The following PCDHGA1 variants were observed in gnomAD, a reference collection of about 807,000 sequenced individuals.
PCDHGA1 encodes protocadherin gamma subfamily A, 1.
PCDHGA1 carries 32 observed loss-of-function variants against 58.0 expected under a neutral mutation model. The ratio of observed to expected loss-of-function variants is 0.55; its 90% CI spans 0.42 to 0.74. The LOEUF (loss-of-function observed/expected upper bound fraction) is 0.74, where lower values mean the gene tolerates loss of function less well. Among genes scored for constraint, PCDHGA1 ranks in the 30% least tolerant of loss-of-function variants. The pLI, the probability that PCDHGA1 is intolerant of heterozygous loss-of-function variation, is 0.00. For synonymous variants in PCDHGA1, 498 were observed against 501.1 expected (o/e 0.99, Z 0.08); for missense variants, 1,205 against 1,182.3 (o/e 1.02, Z -0.28).
At chr5:141,415,597 A>G (rs1206125540) in intron 1 of PCDHGA1, 2 of 1,613,800 alleles carry the variant, frequency 1.2e-6, no homozygotes, top group South Asian at 1.1e-5. Flanking sequence ...TATAGAGGAT[A>G]CCCCATTGGT....
At chr5:141,375,305 G>A in intron 1 of PCDHGA1, 1 of 1,613,812 alleles carries the variant, frequency 6.2e-7, no homozygotes, top group African/African-American at 1.3e-5. Context: ...AGTGACAAAT[G>A]CAGCTCTAGA....
At chr5:141,422,470 T>G in intron 1 of PCDHGA1, 1 of 1,613,440 alleles carries the variant, frequency 6.2e-7, no homozygotes, top group South Asian at 1.1e-5. Flanking sequence ...GGACAGGGAG[T>G]TGGTCCAGAG....
At position 141,331,057 on chromosome 5, in the gene PCDHGA1, G is replaced by A; in HGVS notation, c.373G>A (p.Asp125Asn). 6.2e-7 allele frequency: 1 copy of A among 1,609,678 alleles called. No homozygotes were observed. The highest frequency in any genetic ancestry group is 8.5e-7 in the Non-Finnish European group (1 of 1,177,468). The change falls in exon 1 of 4, where the codon GAT becomes AAT. Residue 125 changes from aspartate (D) to asparagine (N), a missense_variant. Coordinates refer to ENST00000517417, the MANE Select transcript of PCDHGA1 (RefSeq NM_018912.3). ...KLFPVEVEII[D>N]INDNTPQFQL... ...TTTTCCTGTTGAAGTAGAAATAATT[G>A]ATATTAATGACAACACTCCCCAATT...
In PCDHGA1 at chr5:141,492,000, A is replaced by G; in HGVS notation, c.2422-2807A>G. On this transcript the variant is annotated intron_variant, in intron 1 of 3. Transcript: ENST00000517417. The surrounding 1 kb of genome is among the most constrained non-coding windows in gnomAD (Gnocchi z 6.9). Reference sequence around the variant, plus strand: ...TCGAGCTTCCGGTGAATTTCGGGCGATTTCCGCGGGTGTCGGGGGTCCCGG... The same window carrying G: ...TCGAGCTTCCGGTGAATTTCGGGCGGTTTCCGCGGGTGTCGGGGGTCCCGG... 1 of 659,856 alleles carries G rather than the reference A, an allele frequency of 1.5e-6. No homozygotes were observed. The highest frequency in any genetic ancestry group is 3.1e-5 in the South Asian group (1 of 32,438). 40.9% of individuals were successfully genotyped at this position (659,856 alleles called of 1,614,324 possible).
At chr5:141,376,108 G>A (rs368739165) in intron 1 of PCDHGA1, 172 of 1,613,770 alleles carry the variant, frequency 1.1e-4, no homozygotes, top group Middle Eastern at 1.0e-3. Context: ...TGGCCGACCT[G>A]GGCAGCCTCG....
At chr5:141,352,308 A>G (rs770269507) in intron 1 of PCDHGA1, 2 of 1,613,988 alleles carry the variant, frequency 1.2e-6, no homozygotes, top group Non-Finnish European at 1.7e-6. Context: ...CCCCAGACGG[A>G]ACTGCAGTTT....
In PCDHGA1 at chr5:141,379,873, T is replaced by C. The variant is rs533347585; in HGVS notation, c.2421+46768T>C. ...AAATTATTGTCTTATTCTTATTTTA[T>C]GGTCTGTGAAAGCCTCTTTTTTTTT... On this transcript the variant is annotated intron_variant, in intron 1 of 3. Transcript: ENST00000517417. Among the ~76,000 whole-genome samples, 18 of 148,596 alleles carry C rather than the reference T, an allele frequency of 1.2e-4. No individual in the cohort carries two copies. The South Asian group carries it at 2.8e-3, about 23-fold the overall frequency.
chr5:141,361,416 G>A (rs1464562844), intron 1 of PCDHGA1: 2 of 1,613,876 alleles, frequency 1.2e-6, no homozygotes, highest in Admixed American at 1.7e-5. Context: ...CCACCGACGG[G>A]GGCAAGCCGC....
chr5:141,393,126 A>T, intron 1 of PCDHGA1: 1 of 1,613,436 alleles, frequency 6.2e-7, no homozygotes, highest in Non-Finnish European at 8.5e-7. Context: ...GTGTCTGATA[A>T]ATATTAACAC....
At chr5:141,453,331 C>G (rs1224258701) in intron 1 of PCDHGA1, among the ~76,000 whole-genome samples, 1 of 151,962 alleles carries the variant, frequency 6.6e-6, no homozygotes, top group East Asian at 1.9e-4. Flanking sequence ...TGGGGTCTCA[C>G]TATGTTTCCC....
Position 141,330,776 on chromosome 5 carries a change from T to C in PCDHGA1, c.92T>C (p.Ile31Thr). ...CTGTTGGAAGCTGGGGCTGGGAATA[T>C]TCACTACTCAGTGCCGGAAGAGACA... ...ELLLEAGAGNIHYSVPEETDK... is the reference protein window; with the variant it reads ...ELLLEAGAGNTHYSVPEETDK... Residue 31 changes from isoleucine (I) to threonine (T), a missense_variant, in exon 1 of 4, where the codon ATT (isoleucine) becomes ACT (threonine). Physicochemically the swap from Ile to Thr is moderately conservative, Grantham distance 89 (BLOSUM62 -1). Transcript: ENST00000517417. 1 of 1,614,218 alleles carries C rather than the reference T, an allele frequency of 6.2e-7. No homozygotes were observed.
At chr5:141,433,935 T>G (rs2097665519) in intron 1 of PCDHGA1, among the ~76,000 whole-genome samples, 2 of 152,150 alleles carry the variant, frequency 1.3e-5, no homozygotes, top group African/African-American at 2.4e-5. Context: ...GATTTTATAA[T>G]TCCATTGTTT....
chr5:141,427,924 G>T, intron 1 of PCDHGA1: 1 of 1,580,140 alleles, frequency 6.3e-7, no homozygotes, highest in Non-Finnish European at 8.7e-7. Flanking sequence ...ATGAGCCGGC[G>T]CATGTTGGTG....
chr5:141,351,614 T>C (rs1275277369), intron 1 of PCDHGA1: 7 of 1,613,886 alleles, frequency 4.3e-6, no homozygotes, highest in Non-Finnish European at 5.9e-6. Flanking sequence ...CCATCAGGCC[T>C]CCTATGTGGT....
chr5:141,364,945 G>A (rs543776650), intron 1 of PCDHGA1: 6 of 1,613,918 alleles, frequency 3.7e-6, no homozygotes, highest in South Asian at 3.3e-5. Context: ...GCGAGAAAGA[G>A]ACTGTTCACG....
intron 1 of PCDHGA1, chr5:141,351,339 C>G: frequency 1.9e-6 from 3 of 1,613,532 alleles, no homozygotes; most frequent in Non-Finnish European, 2.5e-6. Context: ...GACCTTGGAA[C>G]TGTAATAGCC....
At chr5:141,347,064 T>A (rs1437707475) in intron 1 of PCDHGA1, among the ~76,000 whole-genome samples, 1 of 150,504 alleles carries the variant, frequency 6.6e-6, no homozygotes, top group Non-Finnish European at 1.5e-5. Flanking sequence ...CCTTCCTTCC[T>A]TCCTTCCTCT....
rs1340974686 is a variant in PCDHGA1, at chr5:141,477,604, C to T, written c.2422-17203C>T. The T allele has an allele frequency of 6.2e-7, 1 of 1,614,084 alleles. No individual in the cohort carries two copies. Among genetic ancestry groups the T allele is most frequent in the Non-Finnish European group, 8.5e-7 (1 of 1,180,054 alleles). ...AGAATGCTCGGCTTTCTTTCTTTCT[C>T]TTGGAGCAAGGAGCTGAAACCGGGC... On this transcript the variant is annotated intron_variant, in intron 1 of 3. Coordinates refer to ENST00000517417, the MANE Select transcript of PCDHGA1 (RefSeq NM_018912.3). The surrounding 1 kb of genome is among the most constrained non-coding windows in gnomAD (Gnocchi z 4.9).
Position 141,491,529 on chromosome 5 carries a change from G to T in PCDHGA1, c.2422-3278G>T, listed in dbSNP as rs1157770121. ...GCACGCTCAAGTACATGGAGGTGAC[G>T]CTGCGGCCCACAGACTCGCAGAGCC... On this transcript the variant is annotated intron_variant, in intron 1 of 3. Transcript: ENST00000517417. This position sits in a 1 kb window ranked among gnomAD's most constrained non-coding sequence, Gnocchi z 6.9. The T allele has an allele frequency of 6.2e-7, 1 of 1,614,040 alleles. No individual in the cohort carries two copies. The highest frequency in any genetic ancestry group is 1.1e-5 in the South Asian group (1 of 91,080).
Sources: allele counts gnomAD v4.1 joint callset (sites outside exome capture counted in the v4.1 genomes callset), GRCh38; gene constraint gnomAD v4.1.1; non-coding constraint Gnocchi (gnomAD v3.1); transcripts MANE v1.5; gene names NCBI Gene and HGNC (gene_info 2026-07-23, HGNC 2026-07-21).